Variants in HAUS7 observed in about 807,000 individuals in gnomAD.
HAUS7 encodes HAUS augmin like complex subunit 7.
Under a neutral mutation model 28.4 loss-of-function variants are expected in HAUS7, and 3 were observed. That is an observed-to-expected ratio of 0.11 (90% confidence interval 0.05 to 0.27). HAUS7 has a LOEUF of 0.27. HAUS7 is among the 10% of genes least tolerant of loss of function. HAUS7 has a pLI of 1.00. For missense variants in HAUS7, 284 were observed against 297.3 expected (o/e 0.96, Z 0.33); for synonymous variants, 165 against 132.1 (o/e 1.25, Z -1.71).
Position 153,465,023 on chromosome X carries a change from G to A in HAUS7, c.257C>T (p.Ser86Leu). 1 of 1,202,876 alleles carries A rather than the reference G, an allele frequency of 8.3e-7. No homozygotes were observed. Among genetic ancestry groups the A allele is most frequent in the South Asian group, 1.8e-5 (1 of 56,791 alleles). ...VWPSLQDRFS[S>L]LKGVPTEVKI... ...CACCTCTGTTGGGACCCCTTTCAGT[G>A]AGCTGAACCTGTCCTGCAGTGAGGG... The change falls in exon 3 of 10, where the codon TCA becomes TTA. Residue 86 changes from serine to leucine, a missense_variant. Ser to Leu is a moderately radical substitution (Grantham distance 145, BLOSUM62 -2). Transcript: ENST00000370211.
chrX:153,471,957 T>C (rs782550612), upstream of HAUS7, among the ~76,000 whole-genome samples: 18 of 112,420 alleles, frequency 1.6e-4, no homozygotes, highest in Non-Finnish European at 3.0e-4. Context: ...AGCGTTTTTT[T>C]CCCTCTTTTT....
intron 4 of HAUS7, among the ~76,000 whole-genome samples, chrX:153,457,981 C>T (rs1003108624): frequency 7.9e-5 from 9 of 113,373 alleles, no homozygotes; most frequent in Non-Finnish European, 5.6e-5. Context: ...CATGAAATGC[C>T]ACCGGGAGTG....
At position 153,456,553 on chromosome X, in the gene HAUS7, C is replaced by A. The variant is rs1556982268; in HGVS notation, c.545G>T (p.Cys182Phe). Residue 182 changes from cysteine (C) to phenylalanine (F), a missense_variant, in exon 6 of 10, where the codon TGC (cysteine) becomes TTC (phenylalanine). By Grantham distance (205) the Cys-to-Phe change is radical (BLOSUM62 -2). Transcript: ENST00000370211. ...CTGCATGTCCAGGGGCCACGGGTCG[C>A]ACTCTGGATTCAGGAGCATCTGCAG... Reference protein sequence around the residue: ...PHLQMLLNPECDPWPLDMQPL... With the variant: ...PHLQMLLNPEFDPWPLDMQPL... 8.5e-7 allele frequency: 1 copy of A among 1,176,361 alleles called. No individual in the cohort carries two copies. Among genetic ancestry groups the A allele is most frequent in the East Asian group, 3.1e-5 (1 of 31,939 alleles).
rs374210372 is a variant in HAUS7 at position 153,488,706 on chromosome X, C to T, written c.-589+6668G>A. ...CCCTGCCTGGCCGCCCCGGTCCCTG[C>T]GCCTCTTGCTCAGGTCACCCTGCAG... On this transcript the variant is annotated intron_variant, in intron 1 of 5. Transcript: ENST00000370210. Among the ~76,000 whole-genome samples, 339 of 112,972 alleles carry T rather than the reference C, an allele frequency of 3.0e-3. 1 individual carries two copies. The highest frequency in any genetic ancestry group is 0.01 in the African/African-American group (313 of 31,150).
intron 7 of HAUS7, 22 bp downstream of exon 7, chrX:153,456,243 T>C (rs1269417980): frequency 3.4e-6 from 4 of 1,160,279 alleles, no homozygotes; most frequent in Non-Finnish European, 4.7e-6. Context: ...AGCAACCCCC[T>C]CCCAGGAGCT....
chrX:153,462,996 T>C (rs1374961098), intron 3 of HAUS7: 3 of 415,233 alleles, frequency 7.2e-6, no homozygotes, highest in African/African-American at 4.8e-5. Flanking sequence ...TGTCTGCCAC[T>C]CTCTCCAAGA....
At chrX:153,473,355 C>G (rs897175671), upstream of HAUS7, among the ~76,000 whole-genome samples, 4 of 112,656 alleles carry the variant, frequency 3.6e-5, no homozygotes, top group Non-Finnish European at 3.8e-5. Context: ...GGGAGCCACC[C>G]CACCTGGGGG....
Position 153,456,579 on chromosome X carries a change from G to A in HAUS7, c.519C>T (p.His173=), listed in dbSNP as rs1556982274. ...ACTCTGGATTCAGGAGCATCTGCAG[G>A]TGGGGGCTAGAGAAGAGCTCCCCCA... ...ALLGELFSSP[H]LQMLLNPECD... is the part of the protein sequence containing the mutation. Residue 173 remains histidine, a synonymous_variant, in exon 6 of 10, where the codon CAC becomes CAT. Coordinates refer to ENST00000370211, the MANE Select transcript of HAUS7 (RefSeq NM_001385482.1). 4 of 1,177,895 alleles carry A rather than the reference G, an allele frequency of 3.4e-6. No homozygotes were observed. Among genetic ancestry groups the A allele is most frequent in the Non-Finnish European group, 4.6e-6 (4 of 876,700 alleles).
At chrX:153,458,053 G>T (rs2089338661) in intron 4 of HAUS7, among the ~76,000 whole-genome samples, 1 of 113,515 alleles carries the variant, frequency 8.8e-6, no homozygotes, top group Non-Finnish European at 1.9e-5. Context: ...ATGCTCCTTG[G>T]CGGGCTTGGG....
At chrX:153,491,789 GGGTT>G (rs1384815464) in intron 1 of HAUS7, among the ~76,000 whole-genome samples, 1 of 113,222 alleles carries the variant, frequency 8.8e-6, no homozygotes, top group Non-Finnish European at 1.9e-5. Context: ...GCAGCTGAGG[GGGTT>G]GGGCTCCTTG....
intron 9 of HAUS7, among the ~76,000 whole-genome samples, chrX:153,449,473 G>A (rs1197755401): frequency 4.4e-5 from 5 of 112,763 alleles, no homozygotes; most frequent in African/African-American, 1.6e-4. Flanking sequence ...TCCGGACTGT[G>A]TCCCTCGTGT....
chrX:153,484,263 G>C (rs1390353101), intron 1 of HAUS7, among the ~76,000 whole-genome samples: 1 of 112,419 alleles, frequency 8.9e-6, no homozygotes, highest in Non-Finnish European at 1.9e-5. Context: ...AGCTCAGCTC[G>C]ACATCCTCCC....
chrX:153,450,190 C>T (rs2089221510), intron 9 of HAUS7, among the ~76,000 whole-genome samples: 1 of 111,590 alleles, frequency 9.0e-6, no homozygotes, highest in African/African-American at 3.3e-5. Flanking sequence ...AGCTCTTGCC[C>T]CATGGACCCT....
rs782322773 is a variant in HAUS7, at chrX:153,486,107, C to T, written c.-589+9267G>A. 3 of 928,717 alleles carry T rather than the reference C, an allele frequency of 3.2e-6. No homozygotes were observed. In the Admixed American group the frequency reaches 1.1e-4, roughly 33 times the overall value. 76.5% of individuals were successfully genotyped at this position (928,717 alleles called of 1,213,427 possible). A position where few individuals can be genotyped will look rare whatever the true frequency, so the allele number is the denominator to read the frequency against. ...CCACAACAGGATCAGGTAGGGCCCCCCTCCTCGACCCCACACCTGTGGCCG... is the reference window on the plus strand; with the variant it reads ...CCACAACAGGATCAGGTAGGGCCCCTCTCCTCGACCCCACACCTGTGGCCG... On this transcript the variant is annotated intron_variant, in intron 1 of 5. Transcript: ENST00000370210.
chrX:153,492,295 G>A (rs781819599), intron 1 of HAUS7, among the ~76,000 whole-genome samples: 1 of 112,636 alleles, frequency 8.9e-6, no homozygotes, highest in African/African-American at 3.2e-5. Context: ...TGCAGAGAGA[G>A]CCCAGGCCTG....
chrX:153,488,862 GA>G lies in HAUS7; in HGVS notation c.-589+6511del, dbSNP rs782193768. Among the ~76,000 whole-genome samples the G allele has an allele frequency of 9.7e-5, 11 of 113,175 alleles. 1 individual carries two copies. Among genetic ancestry groups the G allele is most frequent in the Admixed American group, 3.7e-4 (4 of 10,830 alleles). On this transcript the variant is annotated intron_variant, in intron 1 of 5. Coordinates refer to the HAUS7 transcript ENST00000370210. The stretch of plus-strand genomic sequence containing the variant: ...ATGAGGCAGGTGGGGAGGAGAAGGG[GA>G]GGGGCCCCTCAGCTGCAGGAGGGCA...
chrX:153,483,450 T>C, intron 1 of HAUS7: 1 of 755,340 alleles, frequency 1.3e-6, no homozygotes, highest in Non-Finnish European at 1.6e-6. Flanking sequence ...CTCCCGTGAG[T>C]GGCAGTCCCA....
chrX:153,475,927 G>A (rs1404647991), intron 1 of HAUS7, among the ~76,000 whole-genome samples: 1 of 112,121 alleles, frequency 8.9e-6, no homozygotes, highest in Non-Finnish European at 1.9e-5. Context: ...CTCCACCCTT[G>A]GCCAGCCACT....
chrX:153,462,179 A>G, intron 4 of HAUS7: 1 of 1,018,810 alleles, frequency 9.8e-7, no homozygotes, highest in Non-Finnish European at 1.3e-6. Flanking sequence ...AAATTTAGAA[A>G]CGAGAAGGTG....
Sources: gnomAD v4.1 joint callset for allele counts (sites outside exome capture counted in the v4.1 genomes callset) on GRCh38, gnomAD v4.1.1 for gene constraint, MANE v1.5 for transcripts, NCBI Gene and HGNC (gene_info 2026-07-23, HGNC 2026-07-21) for gene names.